MAP2K5: variants seen among roughly 807,000 people sequenced by gnomAD.
MAP2K5 encodes dual specificity mitogen-activated protein kinase kinase 5.
In MAP2K5, 49 loss-of-function variants were observed where a neutral mutation model predicts 83.1. The ratio of observed to expected loss-of-function variants is 0.59; its 90% CI spans 0.47 to 0.75. The LOEUF (loss-of-function observed/expected upper bound fraction) is 0.75. MAP2K5 is among the 30% of genes least tolerant of loss of function. The pLI is 0.00. For synonymous variants in MAP2K5, 202 were observed against 191.8 expected (o/e 1.05, Z -0.44); for missense variants, 457 against 557.5 (o/e 0.82, Z 1.82).
rs938839733 is a variant in MAP2K5, at chr15:67,748,320, A to G, written c.1101+63A>G. 1 of 1,338,026 alleles carries G rather than the reference A, an allele frequency of 7.5e-7. No individual in the cohort carries two copies. Among genetic ancestry groups the G allele is most frequent in the Non-Finnish European group, 1.1e-6 (1 of 934,568 alleles). The allele number at this position is 1,338,026 out of a possible 1,614,324, so 82.9% of individuals were successfully genotyped here. ...TTTTCCTGATGGCTGCTTCCTTTGC[A>G]TGCTTGAATGCCTTGTTTTAAACTT... On this transcript the variant is annotated intron_variant, in intron 18 of 21. Coordinates refer to ENST00000178640, the MANE Select transcript of MAP2K5 (RefSeq NM_145160.3). The surrounding 1 kb of genome is among the most constrained non-coding windows in gnomAD (Gnocchi z 4.0).
At chr15:67,735,701 G>A (rs1207322340) in intron 17 of MAP2K5, among the ~76,000 whole-genome samples, 1 of 152,238 alleles carries the variant, frequency 6.6e-6, no homozygotes, top group Non-Finnish European at 1.5e-5. Context: ...TGACGCTTGA[G>A]CCGAGGCTCT....
intron 9 of MAP2K5, among the ~76,000 whole-genome samples, chr15:67,642,756 C>T (rs923341900): frequency 2.6e-5 from 4 of 152,028 alleles, no homozygotes; most frequent in Non-Finnish European, 5.9e-5. Flanking sequence ...GGAAGAATTC[C>T]TTGAATGTCA....
At chr15:67,804,879 G>A (rs1448675926) in intron 21 of MAP2K5, among the ~76,000 whole-genome samples, 1 of 152,168 alleles carries the variant, frequency 6.6e-6, no homozygotes, top group Non-Finnish European at 1.5e-5. Context: ...GCAGCCGTGG[G>A]GTGGGCATAT....
intron 15 of MAP2K5, among the ~76,000 whole-genome samples, chr15:67,699,101 A>G (rs1220580311): frequency 1.3e-5 from 2 of 151,696 alleles, no homozygotes; most frequent in Admixed American, 6.6e-5. Context: ...ATTTAGATCA[A>G]CTCTTCTGTT....
intron 8 of MAP2K5, among the ~76,000 whole-genome samples, chr15:67,606,120 C>T (rs1021448281): frequency 2.0e-5 from 3 of 152,150 alleles, no homozygotes; most frequent in Non-Finnish European, 4.4e-5. Context: ...ACTCTGCTTC[C>T]TTGGCATATC....
chr15:67,614,991 G>GT (rs1052748279), intron 8 of MAP2K5, among the ~76,000 whole-genome samples: 13 of 150,792 alleles, frequency 8.6e-5, no homozygotes, highest in East Asian at 5.8e-4. Flanking sequence ...GAGGGGCTCT[G>GT]TTTTTTTTTC....
chr15:67,742,906 T>C (rs1057322885), intron 17 of MAP2K5, among the ~76,000 whole-genome samples: 6 of 152,320 alleles, frequency 3.9e-5, no homozygotes, highest in Non-Finnish European at 4.4e-5. Flanking sequence ...TCCTTTTTTT[T>C]CCTCCTCACT....
At position 67,665,072 on chromosome 15, in the gene MAP2K5, G is replaced by A. The variant is rs1345294284; in HGVS notation, c.847+427G>A. ...TTTATTTTTAATTTTTTTAAAGATG[G>A]GGTCTTGCTCTGTTGGCCAGGTTGT... On this transcript the variant is annotated intron_variant, in intron 13 of 21. Transcript: ENST00000178640. This position sits in a 1 kb window ranked among gnomAD's most constrained non-coding sequence, Gnocchi z 4.2. Among the ~76,000 whole-genome samples the A allele has an allele frequency of 6.6e-6, 1 of 152,102 alleles. No individual in the cohort carries two copies. Among genetic ancestry groups the A allele is most frequent in the African/African-American group, 2.4e-5 (1 of 41,426 alleles).
At chr15:67,742,102 G>T (rs1253405750) in intron 17 of MAP2K5, among the ~76,000 whole-genome samples, 1 of 152,078 alleles carries the variant, frequency 6.6e-6, no homozygotes, top group Non-Finnish European at 1.5e-5. Context: ...TACCATGTTA[G>T]CCAGGATGGT....
At chr15:67,642,193 A>G (rs1020803523) in intron 9 of MAP2K5, among the ~76,000 whole-genome samples, 1 of 152,138 alleles carries the variant, frequency 6.6e-6, no homozygotes, top group East Asian at 1.9e-4. Context: ...TTTAGTTTTA[A>G]ATTCAGTTTA....
At chr15:67,752,539 C>T (rs2089743290) in intron 19 of MAP2K5, among the ~76,000 whole-genome samples, 2 of 151,298 alleles carry the variant, frequency 1.3e-5, no homozygotes, top group Non-Finnish European at 2.9e-5. Context: ...TGAGCCGAGC[C>T]GGCTGGCAGG....
chr15:67,620,835 G>T (rs2086164824), intron 8 of MAP2K5, among the ~76,000 whole-genome samples: 1 of 152,100 alleles, frequency 6.6e-6, no homozygotes, highest in Non-Finnish European at 1.5e-5. Context: ...ACAGTGAATA[G>T]AATGTGTAAC....
intron 15 of MAP2K5, among the ~76,000 whole-genome samples, chr15:67,695,567 A>G (rs1424071077): frequency 1.3e-5 from 2 of 152,222 alleles, no homozygotes; most frequent in Non-Finnish European, 1.5e-5. Context: ...CTAAGGTTTA[A>G]GTCTTTGAAA....
At chr15:67,669,758 C>T (rs970748412) in intron 13 of MAP2K5, among the ~76,000 whole-genome samples, 7 of 145,694 alleles carry the variant, frequency 4.8e-5, no homozygotes, top group Admixed American at 1.4e-4. Flanking sequence ...GCTAAAAATA[C>T]TTCTTGCTAC....
At chr15:67,784,059 TAGAG>T (rs1377366553) in intron 21 of MAP2K5, among the ~76,000 whole-genome samples, 1 of 152,204 alleles carries the variant, frequency 6.6e-6, no homozygotes, top group African/African-American at 2.4e-5. Context: ...ATTTATTATA[TAGAG>T]AGAAATGGAT....
In MAP2K5 at chr15:67,758,921, C is replaced by T. The variant is rs2089894629; in HGVS notation, c.1134+10320C>T. Among the ~76,000 whole-genome samples, 1 of 152,212 alleles carries T rather than the reference C, an allele frequency of 6.6e-6. No homozygotes were observed. Among genetic ancestry groups the T allele is most frequent in the South Asian group, 2.1e-4 (1 of 4,836 alleles). ...TTTTTTATACAGCTGTGAAAGAAGA[C>T]AACTTAGCATTGCAGACATGCTCAA... On this transcript the variant is annotated intron_variant, in intron 19 of 21. Transcript: ENST00000178640. The surrounding 1 kb of genome is among the most constrained non-coding windows in gnomAD (Gnocchi z 4.7).
At position 67,736,901 on chromosome 15, in the gene MAP2K5, G is replaced by A. The variant is rs2089353401; in HGVS notation, c.1074+8956G>A. On this transcript the variant is annotated intron_variant, in intron 17 of 21. Transcript: ENST00000178640. The surrounding 1 kb of genome is among the most constrained non-coding windows in gnomAD (Gnocchi z 4.3). ...TTATGGAATCATAGGATTTCAGCAT[G>A]TGAAGAGATCTTACAATGATCTAGT... Among the ~76,000 whole-genome samples the A allele has an allele frequency of 6.6e-6, 1 of 152,300 alleles. No individual in the cohort carries two copies. The highest frequency in any genetic ancestry group is 1.5e-5 in the Non-Finnish European group (1 of 68,038).
At chr15:67,548,938 G>GC (rs1209669941) in intron 1 of MAP2K5, 5 of 1,072,338 alleles carry the variant, frequency 4.7e-6, no homozygotes, top group Non-Finnish European at 5.1e-6. Flanking sequence ...CACTATAGAG[G>GC]CAAGACTATT....
chr15:67,549,947 C>T, intron 1 of MAP2K5, 87 bp from the exon 2 acceptor site: 1 of 959,230 alleles, frequency 1.0e-6, no homozygotes, highest in Non-Finnish European at 1.7e-6. Flanking sequence ...AAATCTTTCC[C>T]AGGTTCTCAT....
Sources: gnomAD v4.1 joint callset for allele counts (sites outside exome capture counted in the v4.1 genomes callset) on GRCh38, gnomAD v4.1.1 for gene constraint, Gnocchi (gnomAD v3.1) non-coding constraint, MANE v1.5 for transcripts, NCBI Gene and HGNC (gene_info 2026-07-23, HGNC 2026-07-21) for gene names.